The following FMNL2 variants were observed in gnomAD, a reference collection of about 807,000 sequenced individuals.
FMNL2 encodes formin-like protein 2.
FMNL2 carries 51 observed loss-of-function variants against 130.2 expected under a neutral mutation model. That is an observed-to-expected ratio of 0.39 (90% confidence interval 0.31 to 0.49). The LOEUF is 0.49. Ranked by LOEUF, FMNL2 falls within the 20% of genes least tolerant of loss-of-function variation. FMNL2 has a pLI of 0.85. For missense variants in FMNL2, 977 were observed against 1,316.2 expected, an observed-to-expected ratio of 0.74 and a Z score of 3.99; for synonymous variants, 465 against 467.1, an observed-to-expected ratio of 1.00 and a Z score of 0.06.
chr2:152,520,622 A>G (rs1248234162), intron 1 of FMNL2, among the ~76,000 whole-genome samples: 1 of 151,902 alleles, frequency 6.6e-6, no homozygotes, highest in African/African-American at 2.4e-5. Flanking sequence ...TAAATTAAAT[A>G]TTTTAAAGAC....
intron 6 of FMNL2, 55 bp from the exon 7 acceptor site, chr2:152,575,081 C>T: frequency 9.4e-7 from 1 of 1,061,856 alleles, no homozygotes; most frequent in Non-Finnish European, 1.4e-6. Flanking sequence ...AGTGCATGTG[C>T]CTATGCTAAG....
chr2:152,601,381 A>T (rs1361419848), intron 9 of FMNL2, among the ~76,000 whole-genome samples: 1 of 148,892 alleles, frequency 6.7e-6, no homozygotes, highest in African/African-American at 2.5e-5. Context: ...GCTAACTGCA[A>T]CCTCCATCCC....
chr2:152,542,883 A>G (rs1037669848), intron 3 of FMNL2, 64 bp downstream of exon 3: 2 of 1,548,456 alleles, frequency 1.3e-6, no homozygotes, highest in African/African-American at 1.4e-5. Flanking sequence ...ATCCTCCTGC[A>G]TTGGAAGAGA....
chr2:152,403,019 A>G (rs1579581080), intron 1 of FMNL2, among the ~76,000 whole-genome samples: 1 of 152,268 alleles, frequency 6.6e-6, no homozygotes, highest in East Asian at 1.9e-4. Flanking sequence ...TTCGAGGAGT[A>G]CTGGTCAGGT....
At chr2:152,397,543 A>C (rs1346645174) in intron 1 of FMNL2, among the ~76,000 whole-genome samples, 1 of 152,192 alleles carries the variant, frequency 6.6e-6, no homozygotes, top group Non-Finnish European at 1.5e-5. Flanking sequence ...GTGATAGGAC[A>C]CTTTCAGGTT....
chr2:152,626,770 T>C, intron 17 of FMNL2, 43 bp downstream of exon 17: 1 of 1,523,214 alleles, frequency 6.6e-7, no homozygotes, highest in Non-Finnish European at 8.9e-7. Flanking sequence ...TATGATAAAA[T>C]GAAAATGAGA....
intron 2 of FMNL2, among the ~76,000 whole-genome samples, chr2:152,542,185 T>C (rs770392894): frequency 1.2e-4 from 18 of 152,184 alleles, no homozygotes; most frequent in African/African-American, 3.4e-4. Flanking sequence ...GGCACACACA[T>C]GTGTACCCAT....
At chr2:152,367,074 T>TGG (rs70974856) in intron 1 of FMNL2, among the ~76,000 whole-genome samples, 3 of 81,962 alleles carry the variant, frequency 3.7e-5, no homozygotes, top group Non-Finnish European at 3.4e-5. Context: ...TGTGTGTGTG[T>TGG]TTGTTTTTTT....
chr2:152,541,188 G>A (rs1038233994), intron 2 of FMNL2, among the ~76,000 whole-genome samples: 1 of 151,352 alleles, frequency 6.6e-6, no homozygotes, highest in African/African-American at 2.4e-5. Flanking sequence ...ACAGGGTCTC[G>A]CTCTGTTACC....
intron 9 of FMNL2, among the ~76,000 whole-genome samples, chr2:152,590,689 A>G (rs1245903288): frequency 1.3e-5 from 2 of 152,004 alleles, no homozygotes; most frequent in East Asian, 3.8e-4. Flanking sequence ...AACCAGGAAG[A>G]AGGATAAGAT....
intron 25 of FMNL2, chr2:152,643,822 T>C: frequency 1.0e-6 from 1 of 985,464 alleles, no homozygotes; most frequent in South Asian, 4.7e-5. Context: ...TTAAGAGCAC[T>C]TCTTTGAGAA....
intron 2 of FMNL2, among the ~76,000 whole-genome samples, chr2:152,523,195 A>T (rs9753431): frequency 0.71 from 107,617 of 151,162 alleles, 38,733 homozygotes; most frequent in East Asian, 0.96. Flanking sequence ...TATAAATAAG[A>T]GTGTGAGGAC....
intron 4 of FMNL2, among the ~76,000 whole-genome samples, chr2:152,553,338 G>A (rs904038314): frequency 1.3e-5 from 2 of 152,118 alleles, no homozygotes; most frequent in Non-Finnish European, 2.9e-5. Flanking sequence ...TAAGCACGGT[G>A]TTAGGTACTT....
intron 1 of FMNL2, among the ~76,000 whole-genome samples, chr2:152,512,058 T>G (rs896497795): frequency 6.6e-6 from 1 of 152,188 alleles, no homozygotes; most frequent in Non-Finnish European, 1.5e-5. Flanking sequence ...CTTAATATAT[T>G]TGGCCTCATG....
At chr2:152,621,229 C>G in intron 15 of FMNL2, 1 of 769,004 alleles carries the variant, frequency 1.3e-6, no homozygotes, top group Non-Finnish European at 1.6e-6. Context: ...CTTCCTTTGT[C>G]TCTGACAAAC....
chr2:152,648,127 G>A lies in FMNL2; in HGVS notation c.*222G>A. ...CTGTTCAGATTAATCAAAGCAATAG[G>A]ATTTGATTTGATTAGGTATCTTTTT... On this transcript the variant is annotated 3_prime_UTR_variant, in exon 26 of 26. Coordinates refer to ENST00000288670, the MANE Select transcript of FMNL2 (RefSeq NM_052905.4). The A allele has an allele frequency of 2.1e-6, 1 of 475,216 alleles. No homozygotes were observed. Among genetic ancestry groups the A allele is most frequent in the Non-Finnish European group, 3.7e-6 (1 of 270,640 alleles). The allele number at this position is 475,216 out of a possible 1,614,324, so 29.4% of individuals were successfully genotyped here. A position where few individuals can be genotyped will look rare whatever the true frequency, so the allele number is the denominator to read the frequency against.
chr2:152,502,081 A>G (rs1289602138), intron 1 of FMNL2, among the ~76,000 whole-genome samples: 1 of 152,152 alleles, frequency 6.6e-6, no homozygotes, highest in Non-Finnish European at 1.5e-5. Flanking sequence ...GTGCGAGTCT[A>G]TAGGGTAAGT....
intron 1 of FMNL2, among the ~76,000 whole-genome samples, chr2:152,407,750 A>C (rs1375641795): frequency 6.6e-6 from 1 of 152,128 alleles, no homozygotes; most frequent in Admixed American, 6.5e-5. Flanking sequence ...GTTTCGTCTT[A>C]ATTAGAAGCA....
At chr2:152,614,335 C>T (rs1036365414) in intron 11 of FMNL2, among the ~76,000 whole-genome samples, 6 of 152,202 alleles carry the variant, frequency 3.9e-5, no homozygotes, top group South Asian at 2.1e-4. Context: ...TTTGGGAGAG[C>T]GTATTCACCC....
Sources: allele counts gnomAD v4.1 joint callset (sites outside exome capture counted in the v4.1 genomes callset), GRCh38; gene constraint gnomAD v4.1.1; transcripts MANE v1.5; gene names NCBI Gene and HGNC (gene_info 2026-07-23, HGNC 2026-07-21).